The following UBAC1 variants were observed in gnomAD, a reference collection of about 807,000 sequenced individuals.
UBAC1 encodes ubiquitin-associated domain-containing protein 1.
UBAC1 carries 27 observed loss-of-function variants against 45.9 expected under a neutral mutation model. That is an observed-to-expected ratio of 0.59 (90% confidence interval 0.43 to 0.81). The LOEUF (loss-of-function observed/expected upper bound fraction) is 0.81, where lower values mean the gene tolerates loss of function less well. Among genes scored for constraint, UBAC1 ranks in the 30% least tolerant of loss-of-function variants. UBAC1 has a pLI of 0.00. For synonymous variants in UBAC1, 227 were observed against 215.5 expected (o/e 1.05, Z -0.47); for missense variants, 529 against 539.2 (o/e 0.98, Z 0.19).
intron 3 of UBAC1, among the ~76,000 whole-genome samples, chr9:135,952,442 C>G (rs536950593): frequency 8.6e-4 from 131 of 152,336 alleles, no homozygotes; most frequent in Non-Finnish European, 1.6e-3. Context: ...GGGCTCAGGC[C>G]CTGCTGTGGG....
intron 1 of UBAC1, among the ~76,000 whole-genome samples, chr9:135,957,646 G>A (rs762904759): frequency 1.1e-4 from 16 of 151,732 alleles, no homozygotes; most frequent in East Asian, 1.9e-4. Flanking sequence ...TAGTGACTTC[G>A]TTTCTGCTTG....
chr9:135,959,063 G>T (rs1284280580), intron 1 of UBAC1, among the ~76,000 whole-genome samples: 3 of 152,218 alleles, frequency 2.0e-5, no homozygotes, highest in Non-Finnish European at 4.4e-5. Context: ...AAATTCATGA[G>T]TAGGTATCTG....
chr9:135,961,168 C>A lies in UBAC1; in HGVS notation c.-6G>T, dbSNP rs761855076. ...TTCTCCTCCTGCACGAACATCCCGC[C>A]GCCGCCGCAGGGGCCTGCGCCCGCC... On this transcript the variant is annotated 5_prime_UTR_variant, in exon 1 of 10. Coordinates refer to ENST00000371756, the MANE Select transcript of UBAC1 (RefSeq NM_016172.3). The A allele has an allele frequency of 2.6e-6, 4 of 1,542,124 alleles. No homozygotes were observed. Among genetic ancestry groups the A allele is most frequent in the Non-Finnish European group, 3.5e-6 (4 of 1,152,234 alleles).
At chr9:135,937,950 G>T (rs1019445472) in intron 9 of UBAC1, among the ~76,000 whole-genome samples, 6 of 152,144 alleles carry the variant, frequency 3.9e-5, no homozygotes, top group African/African-American at 1.4e-4. Context: ...GCTGGCCCTC[G>T]GAAAGCCACT....
At chr9:135,940,098 G>A (rs1209668632) in intron 7 of UBAC1, among the ~76,000 whole-genome samples, 1 of 152,166 alleles carries the variant, frequency 6.6e-6, no homozygotes, top group Non-Finnish European at 1.5e-5. Context: ...ACCCTTTCAG[G>A]TTTGTCCCGA....
intron 1 of UBAC1, among the ~76,000 whole-genome samples, chr9:135,957,380 T>C (rs989086349): frequency 6.6e-6 from 1 of 152,178 alleles, no homozygotes; most frequent in African/African-American, 2.4e-5. Flanking sequence ...GGCTAGTTCA[T>C]TTGTCAAGTT....
chr9:135,946,178 T>C (rs1839331623), intron 5 of UBAC1, 91 bp downstream of exon 5: 8 of 1,093,858 alleles, frequency 7.3e-6, no homozygotes, highest in Admixed American at 3.6e-5. Flanking sequence ...AGCACTGAGG[T>C]TCCGGTCAGT....
chr9:135,959,904 C>T, intron 1 of UBAC1, among the ~76,000 whole-genome samples: 1 of 152,186 alleles, frequency 6.6e-6, no homozygotes, highest in Non-Finnish European at 1.5e-5. Context: ...GAGGCCAGCA[C>T]CTCCCAGTTA....
At chr9:135,952,356 A>G (rs906064424) in intron 3 of UBAC1, among the ~76,000 whole-genome samples, 1 of 152,178 alleles carries the variant, frequency 6.6e-6, no homozygotes, top group Non-Finnish European at 1.5e-5. Flanking sequence ...AAGAAATTCT[A>G]CCCTTGAGAT....
intron 1 of UBAC1, 38 bp from the exon 2 acceptor site, chr9:135,955,453 A>T: frequency 2.7e-6 from 4 of 1,497,102 alleles, no homozygotes; most frequent in Non-Finnish European, 3.6e-6. Flanking sequence ...GAAAATAAGT[A>T]AATCGTAATT....
intron 9 of UBAC1, among the ~76,000 whole-genome samples, chr9:135,933,808 G>T (rs559375903): frequency 1.2e-4 from 19 of 152,212 alleles, no homozygotes; most frequent in African/African-American, 3.9e-4. Context: ...TCTGGCAGCC[G>T]CCAGGGCTCA....
At chr9:135,948,304 TG>T (rs145849093) in intron 3 of UBAC1, among the ~76,000 whole-genome samples, 2,228 of 152,336 alleles carry the variant, frequency 0.015, 61 homozygotes, top group African/African-American at 0.051. Context: ...AGGGCAGTCA[TG>T]GCAGTAGAAA....
chr9:135,936,658 T>C (rs1839205857), intron 9 of UBAC1, among the ~76,000 whole-genome samples: 1 of 152,110 alleles, frequency 6.6e-6, no homozygotes, highest in South Asian at 2.1e-4. Flanking sequence ...CATGCCCAAC[T>C]AATTTTTTGT....
chr9:135,961,276 C>T lies in UBAC1; in HGVS notation c.-114G>A, dbSNP rs1302712184. On this transcript the variant is annotated 5_prime_UTR_variant, in exon 1 of 10. Coordinates refer to ENST00000371756, the MANE Select transcript of UBAC1 (RefSeq NM_016172.3). Reference sequence around the variant, plus strand: ...CCCGCGCGCTCCTTCGCTGGGCCGCCGCCCCGCCCCGGCTCCCGTCGGCCG... The same window carrying T: ...CCCGCGCGCTCCTTCGCTGGGCCGCTGCCCCGCCCCGGCTCCCGTCGGCCG... 5.3e-6 allele frequency: 5 copies of T among 944,750 alleles called. No individual in the cohort carries two copies. Among genetic ancestry groups the T allele is most frequent in the Non-Finnish European group, 6.6e-6 (5 of 762,460 alleles). The allele number at this position is 944,750 out of a possible 1,614,324, so 58.5% of individuals were successfully genotyped here.
chr9:135,948,391 C>T (rs958171285), intron 3 of UBAC1, among the ~76,000 whole-genome samples: 3 of 152,250 alleles, frequency 2.0e-5, no homozygotes, highest in South Asian at 4.1e-4. Flanking sequence ...CGGCAGAGGA[C>T]GAGGATGGAG....
Position 135,933,264 on chromosome 9 carries a change from C to T in UBAC1, c.*136G>A, listed in dbSNP as rs753157749. 10 of 664,630 alleles carry T rather than the reference C, an allele frequency of 1.5e-5. No individual in the cohort carries two copies. The highest frequency in any genetic ancestry group is 2.1e-5 in the Non-Finnish European group (8 of 372,778). 41.2% of individuals were successfully genotyped at this position (664,630 alleles called of 1,614,324 possible). A position where few individuals can be genotyped will look rare whatever the true frequency, so the allele number is the denominator to read the frequency against. The stretch of plus-strand genomic sequence containing the variant: ...GTTTATAAGCAATAAGATCAGAGAG[C>T]AGGAGCAGCTGCAGCACCTCTAACA... On this transcript the variant is annotated 3_prime_UTR_variant, in exon 10 of 10. Coordinates refer to ENST00000371756, the MANE Select transcript of UBAC1 (RefSeq NM_016172.3).
rs1177200404 is a variant in UBAC1, at chr9:135,938,156, T to C, written c.1102+66A>G. 21 of 1,584,996 alleles carry C rather than the reference T, an allele frequency of 1.3e-5. No individual in the cohort carries two copies. In the Admixed American group the frequency reaches 1.7e-4, roughly 13 times the overall value. ...CTCCGTATCGCCTCCGCAGCACCTA[T>C]TTGTCCTGCAAGGGAACCAGCCAGC... On this transcript the variant is annotated intron_variant, in intron 9 of 9. Coordinates refer to ENST00000371756, the MANE Select transcript of UBAC1 (RefSeq NM_016172.3).
intron 1 of UBAC1, among the ~76,000 whole-genome samples, chr9:135,959,706 A>T (rs1225639851): frequency 2.0e-5 from 3 of 152,070 alleles, no homozygotes; most frequent in African/African-American, 7.2e-5. Flanking sequence ...ACAACTAGAC[A>T]AGCAACACCA....
intron 6 of UBAC1, chr9:135,945,647 C>T (rs1839322383): frequency 1.6e-5 from 9 of 568,806 alleles, no homozygotes; most frequent in Non-Finnish European, 1.6e-5. Context: ...GTCCCTGCTA[C>T]GAACGGGATT....
Sources: allele counts gnomAD v4.1 joint callset (sites outside exome capture counted in the v4.1 genomes callset), GRCh38; gene constraint gnomAD v4.1.1; transcripts MANE v1.5; gene names NCBI Gene and HGNC (gene_info 2026-07-23, HGNC 2026-07-21).